RBM20: variants seen among roughly 807,000 people sequenced by gnomAD.
RBM20 encodes RNA binding motif protein 20.
Under a neutral mutation model 110.1 loss-of-function variants are expected in RBM20, and 51 were observed. The observed-to-expected ratio is 0.46, with a 90% confidence interval of 0.37 to 0.59. The LOEUF is 0.59. RBM20 is among the 20% of genes least tolerant of loss of function. The probability of loss-of-function intolerance (pLI) is 0.00; values close to 1 mark genes in which losing one functional copy is unlikely to be tolerated. For missense variants in RBM20, 1,512 were observed against 1,574.9 expected (o/e 0.96, Z 0.68); for synonymous variants, 589 against 618.2 (o/e 0.95, Z 0.70).
chr10:110,787,741 G>A (rs747839008), intron 5 of RBM20, among the ~76,000 whole-genome samples: 1 of 152,170 alleles, frequency 6.6e-6, no homozygotes, highest in South Asian at 2.1e-4. Context: ...CTTGAGCCTG[G>A]TGAGAAGCAA....
At chr10:110,671,588 G>A (rs1862258921) in intron 1 of RBM20, among the ~76,000 whole-genome samples, 1 of 152,040 alleles carries the variant, frequency 6.6e-6, no homozygotes, top group South Asian at 2.1e-4. Flanking sequence ...CACCTCATAG[G>A]TCTATTATTG....
intron 1 of RBM20, among the ~76,000 whole-genome samples, chr10:110,697,584 G>A (rs977445784): frequency 3.3e-5 from 5 of 152,248 alleles, no homozygotes; most frequent in African/African-American, 1.2e-4. Context: ...ATGTGGCACA[G>A]TCCTACCTGC....
At chr10:110,786,351 A>G (rs966789714) in intron 5 of RBM20, among the ~76,000 whole-genome samples, 4 of 152,176 alleles carry the variant, frequency 2.6e-5, no homozygotes, top group African/African-American at 9.7e-5. Flanking sequence ...TGTCCCCTCT[A>G]CGTGTTGGCA....
chr10:110,693,215 C>G (rs1211130643), intron 1 of RBM20, among the ~76,000 whole-genome samples: 2 of 152,014 alleles, frequency 1.3e-5, no homozygotes, highest in African/African-American at 4.8e-5. Context: ...GTTGTTCTAT[C>G]ATTTTTCTTT....
chr10:110,722,146 G>A (rs1843514993), intron 1 of RBM20, among the ~76,000 whole-genome samples: 1 of 152,130 alleles, frequency 6.6e-6, no homozygotes, highest in African/African-American at 2.4e-5. Context: ...CCTGACTCTT[G>A]GTTGCTGTCA....
chr10:110,749,625 C>T (rs1843827816), intron 1 of RBM20, among the ~76,000 whole-genome samples: 1 of 151,994 alleles, frequency 6.6e-6, no homozygotes, highest in Non-Finnish European at 1.5e-5. Flanking sequence ...GAGTAAGGTA[C>T]ATCCACAGGT....
intron 6 of RBM20, among the ~76,000 whole-genome samples, chr10:110,798,966 A>G (rs991733705): frequency 2.0e-5 from 3 of 152,250 alleles, no homozygotes; most frequent in Non-Finnish European, 4.4e-5. Flanking sequence ...CTCAGTAGAC[A>G]CAGGTTTAGT....
At chr10:110,712,193 T>TA (rs1390734894) in intron 1 of RBM20, among the ~76,000 whole-genome samples, 2 of 152,232 alleles carry the variant, frequency 1.3e-5, no homozygotes, top group Non-Finnish European at 2.9e-5. Flanking sequence ...GGTGCTCAGT[T>TA]ACAGTTAGTT....
chr10:110,826,439 T>C (rs193185342), intron 12 of RBM20, among the ~76,000 whole-genome samples: 11 of 152,320 alleles, frequency 7.2e-5, no homozygotes, highest in African/African-American at 2.4e-4. Flanking sequence ...GGATCTCCTT[T>C]CTGTCACTAA....
chr10:110,768,014 G>C (rs1020158562), intron 1 of RBM20, among the ~76,000 whole-genome samples: 1 of 152,240 alleles, frequency 6.6e-6, no homozygotes, highest in East Asian at 1.9e-4. Flanking sequence ...GATCACTCGC[G>C]GTTAGGAGCT....
intron 1 of RBM20, among the ~76,000 whole-genome samples, chr10:110,724,305 A>G (rs1466516546): frequency 1.3e-5 from 2 of 152,224 alleles, no homozygotes; most frequent in Non-Finnish European, 2.9e-5. Flanking sequence ...CTACCTGTAA[A>G]ACATCTGCTC....
At chr10:110,800,356 C>A (rs947202794) in intron 7 of RBM20, among the ~76,000 whole-genome samples, 2 of 152,228 alleles carry the variant, frequency 1.3e-5, no homozygotes, top group Non-Finnish European at 2.9e-5. Context: ...CATAGAAGTC[C>A]TTCTAAGCAG....
intron 2 of RBM20, among the ~76,000 whole-genome samples, chr10:110,782,529 T>C (rs972651038): frequency 1.3e-5 from 2 of 152,208 alleles, no homozygotes; most frequent in Non-Finnish European, 2.9e-5. Context: ...AAATACCATA[T>C]ATTAAACCCT....
chr10:110,652,064 A>G (rs1861957529), intron 1 of RBM20, among the ~76,000 whole-genome samples: 1 of 152,264 alleles, frequency 6.6e-6, no homozygotes, highest in Non-Finnish European at 1.5e-5. Context: ...AAAAGTGAAA[A>G]TTAGAAACCA....
At chr10:110,734,968 T>A (rs1380350785) in intron 1 of RBM20, among the ~76,000 whole-genome samples, 2 of 152,218 alleles carry the variant, frequency 1.3e-5, no homozygotes, top group Non-Finnish European at 2.9e-5. Flanking sequence ...GTTCTTCCCA[T>A]GACGTTAATC....
chr10:110,646,906 C>T (rs966265617), intron 1 of RBM20, among the ~76,000 whole-genome samples: 2 of 152,138 alleles, frequency 1.3e-5, no homozygotes, highest in African/African-American at 4.8e-5. Context: ...AAATTCTCCT[C>T]TGGTGGAACA....
chr10:110,770,377 A>G (rs1174164232), intron 1 of RBM20, among the ~76,000 whole-genome samples: 1 of 152,218 alleles, frequency 6.6e-6, no homozygotes, highest in East Asian at 1.9e-4. Flanking sequence ...AACACCCACC[A>G]TCCTAAAATC....
At chr10:110,791,492 C>T (rs140540862) in intron 5 of RBM20, among the ~76,000 whole-genome samples, 7 of 151,400 alleles carry the variant, frequency 4.6e-5, no homozygotes, top group East Asian at 1.9e-4. Flanking sequence ...TATTTGAACT[C>T]GGGCCTCTTA....
At chr10:110,673,695 TA>T (rs1862293137) in intron 1 of RBM20, among the ~76,000 whole-genome samples, 1 of 152,238 alleles carries the variant, frequency 6.6e-6, no homozygotes, top group Non-Finnish European at 1.5e-5. Flanking sequence ...ATCTGAAACC[TA>T]GATGTATATT....
Sources: gnomAD v4.1 joint callset for allele counts (sites outside exome capture counted in the v4.1 genomes callset) on GRCh38, gnomAD v4.1.1 for gene constraint, MANE v1.5 for transcripts, NCBI Gene and HGNC (gene_info 2026-07-23, HGNC 2026-07-21) for gene names.